The following PGAP1 variants were observed in gnomAD, a reference collection of about 807,000 sequenced individuals.
PGAP1 encodes GPI inositol-deacylase.
PGAP1 carries 76 observed loss-of-function variants against 127.0 expected under a neutral mutation model. The ratio of observed to expected loss-of-function variants is 0.60; its 90% confidence interval spans 0.50 to 0.72. The LOEUF is 0.72. Among genes scored for constraint, PGAP1 ranks in the 30% least tolerant of loss-of-function variants. PGAP1 has a pLI of 0.00. For synonymous variants in PGAP1, 362 were observed against 366.5 expected (o/e 0.99, Z 0.14); for missense variants, 982 against 1,071.3 (o/e 0.92, Z 1.16).
intron 4 of PGAP1, among the ~76,000 whole-genome samples, chr2:196,904,005 C>G (rs1015439492): frequency 2.0e-5 from 3 of 152,222 alleles, no homozygotes; most frequent in African/African-American, 7.2e-5. Context: ...CTCTTAACAT[C>G]TGGAGAGCCT....
Position 196,842,842 on chromosome 2 carries a change from A to G in PGAP1, c.2526-17T>C, listed in dbSNP as rs1179962628. 8.2e-7 allele frequency: 1 copy of G among 1,224,600 alleles called. No homozygotes were observed. The highest frequency in any genetic ancestry group is 1.2e-6 in the Non-Finnish European group (1 of 866,494). 75.9% of individuals were successfully genotyped at this position (1,224,600 alleles called of 1,614,324 possible). A position where few individuals can be genotyped will look rare whatever the true frequency, so the allele number is the denominator to read the frequency against. Reference sequence around the variant, plus strand: ...AAATAATACCTATAATATTAAAAAAAGAAACCCACAAATCAACAATGACCT... The same window carrying G: ...AAATAATACCTATAATATTAAAAAAGGAAACCCACAAATCAACAATGACCT... On this transcript the variant is annotated splice_polypyrimidine_tract_variant and intron_variant, in intron 25 of 26. Coordinates refer to ENST00000354764, the MANE Select transcript of PGAP1 (RefSeq NM_024989.4).
At chr2:196,921,131 G>C (rs1703180397) in intron 1 of PGAP1, among the ~76,000 whole-genome samples, 1 of 151,102 alleles carries the variant, frequency 6.6e-6, no homozygotes, top group Non-Finnish European at 1.5e-5. Context: ...TTTAACTATG[G>C]AGTGAATTTC....
At chr2:196,841,596 C>A (rs1026645416) in intron 26 of PGAP1, among the ~76,000 whole-genome samples, 4 of 152,204 alleles carry the variant, frequency 2.6e-5, no homozygotes, top group Non-Finnish European at 4.4e-5. Context: ...CGGCTCACTG[C>A]AAGCTCCGCC....
At chr2:196,852,456 C>T (rs1700750329) in intron 20 of PGAP1, among the ~76,000 whole-genome samples, 1 of 151,346 alleles carries the variant, frequency 6.6e-6, no homozygotes, top group Non-Finnish European at 1.5e-5. Context: ...TTTAAGGTTA[C>T]TAAGAGTTAA....
chr2:196,862,809 T>C (rs1359231345), intron 20 of PGAP1, among the ~76,000 whole-genome samples: 2 of 152,146 alleles, frequency 1.3e-5, no homozygotes, highest in Admixed American at 6.5e-5. Context: ...TCCCAGCTAC[T>C]TGGGAGGCTG....
intron 21 of PGAP1, 95 bp from the exon 22 acceptor site, chr2:196,847,295 A>G: frequency 1.2e-6 from 1 of 864,728 alleles, no homozygotes; most frequent in Non-Finnish European, 1.8e-6. Flanking sequence ...AGAGTCTCTA[A>G]AGTTCCATGA....
rs932953557 is a variant in PGAP1 at position 196,834,433 on chromosome 2, C to T, written c.*6801G>A. 2 of 152,332 alleles carry T rather than the reference C, an allele frequency of 1.3e-5. No homozygotes were observed. Among genetic ancestry groups the T allele is most frequent in the Admixed American group, 6.6e-5 (1 of 15,260 alleles). 9.4% of individuals were successfully genotyped at this position (152,332 alleles called of 1,614,324 possible). A position where few individuals can be genotyped will look rare whatever the true frequency, so the allele number is the denominator to read the frequency against. On this transcript the variant is annotated 3_prime_UTR_variant, in exon 27 of 27. Transcript: ENST00000354764. ...AATAAAATGTACAGTTATAAAATTG[C>T]AGGGCACTCTTTATCATTTCAAGGC...
At chr2:196,866,954 A>G (rs1701263453) in intron 19 of PGAP1, among the ~76,000 whole-genome samples, 1 of 152,236 alleles carries the variant, frequency 6.6e-6, no homozygotes, top group Admixed American at 6.5e-5. Flanking sequence ...CACACCAGTT[A>G]GAATGGCGAT....
rs1403621275 is a variant in PGAP1 at position 196,842,770 on chromosome 2, G to C, written c.2581C>G (p.Pro861Ala). 1 of 1,587,696 alleles carries C rather than the reference G, an allele frequency of 6.3e-7. No homozygotes were observed. The highest frequency in any genetic ancestry group is 8.6e-7 in the Non-Finnish European group (1 of 1,163,514). ...GTATTTCCAAGAATTGCCATAGTCG[G>C]AATAAGGATAAATGCCAAAGGTTTA... is the stretch of plus-strand genomic sequence containing the variant. ...PCKPLAFILI[P>A]TMAILGNTYT... Residue 861 changes from proline (P) to alanine (A), a missense_variant, in exon 26 of 27, where the codon CCG becomes GCG. Pro to Ala is a conservative substitution (Grantham distance 27, BLOSUM62 -1). Transcript: ENST00000354764.
chr2:196,861,527 TTC>T (rs1701064209), intron 20 of PGAP1, among the ~76,000 whole-genome samples: 2 of 152,168 alleles, frequency 1.3e-5, no homozygotes, highest in Admixed American at 6.5e-5. Flanking sequence ...GAACAGACAT[TTC>T]TCAACAGAAG....
intron 3 of PGAP1, among the ~76,000 whole-genome samples, chr2:196,914,778 A>C (rs1702946785): frequency 6.6e-6 from 1 of 152,030 alleles, no homozygotes; most frequent in African/African-American, 2.4e-5. Flanking sequence ...TGCTCTTGCT[A>C]AATCACCAAG....
chr2:196,922,173 G>T (rs1263182380), intron 1 of PGAP1: 1 of 1,297,386 alleles, frequency 7.7e-7, no homozygotes, highest in Admixed American at 2.3e-5. Flanking sequence ...CCTTAGTTCA[G>T]GTTCTTCTCA....
intron 5 of PGAP1, among the ~76,000 whole-genome samples, chr2:196,901,014 CA>C (rs1702471753): frequency 6.6e-6 from 1 of 152,136 alleles, no homozygotes; most frequent in African/African-American, 2.4e-5. Context: ...CCTACACACA[CA>C]CAATTAAAGA....
At chr2:196,849,468 GT>G (rs1340395914) in intron 20 of PGAP1, among the ~76,000 whole-genome samples, 2 of 150,724 alleles carry the variant, frequency 1.3e-5, no homozygotes, top group Non-Finnish European at 3.0e-5. Context: ...TAGAGACGGG[GT>G]TTCACCGTGT....
At position 196,835,514 on chromosome 2, in the gene PGAP1, C is replaced by T. The variant is rs1275751078; in HGVS notation, c.*5720G>A. ...TAAAATCAGAAAACATTCAAGCAATCACACAAAATAGAACACACTAGGCTA... is the reference window on the plus strand; with the variant it reads ...TAAAATCAGAAAACATTCAAGCAATTACACAAAATAGAACACACTAGGCTA... On this transcript the variant is annotated 3_prime_UTR_variant, in exon 27 of 27. Transcript: ENST00000354764. 1 of 152,036 alleles carries T rather than the reference C, an allele frequency of 6.6e-6. No individual in the cohort carries two copies. Among genetic ancestry groups the T allele is most frequent in the East Asian group, 1.9e-4 (1 of 5,200 alleles). The allele number at this position is 152,036 out of a possible 1,614,324, so 9.4% of individuals were successfully genotyped here.
intron 4 of PGAP1, 87 bp from the exon 5 acceptor site, chr2:196,902,829 C>G: frequency 2.0e-6 from 2 of 996,356 alleles, no homozygotes; most frequent in Middle Eastern, 2.2e-4. Flanking sequence ...TAATATGTAA[C>G]TGAATTTTTG....
At chr2:196,891,715 T>A (rs1702105726) in intron 9 of PGAP1, among the ~76,000 whole-genome samples, 1 of 152,080 alleles carries the variant, frequency 6.6e-6, no homozygotes, top group African/African-American at 2.4e-5. Flanking sequence ...TGTAAGTATA[T>A]AGAATTAACT....
rs1335351177 is a variant in PGAP1, at chr2:196,892,375, C to G, written c.1060G>C (p.Val354Leu). The part of the protein sequence containing the change: ...TGTSMWVLVK[V>L]SKWTYVAYNE... ...TAAGCTACATAGGTCCATTTGGACA[C>G]TTTTACTAGAACCCACATAGATGTC... The change falls in exon 9 of 27, where the codon GTG (valine) becomes CTG (leucine). Residue 354 changes from valine to leucine, a missense_variant. By Grantham distance (32) the Val-to-Leu change is conservative. Transcript: ENST00000354764. The G allele has an allele frequency of 6.7e-7, 1 of 1,498,852 alleles. No homozygotes were observed. The highest frequency in any genetic ancestry group is 1.4e-5 in the African/African-American group (1 of 71,026). The allele number at this position is 1,498,852 out of a possible 1,614,324, so 92.8% of individuals were successfully genotyped here.
chr2:196,880,738 AT>A (rs1701703758), intron 12 of PGAP1, among the ~76,000 whole-genome samples: 2 of 152,216 alleles, frequency 1.3e-5, no homozygotes, highest in African/African-American at 4.8e-5. Context: ...CAAATAAGTA[AT>A]TATTTATTTC....
Sources: gnomAD v4.1 joint callset for allele counts (sites outside exome capture counted in the v4.1 genomes callset) on GRCh38, gnomAD v4.1.1 for gene constraint, MANE v1.5 for transcripts, NCBI Gene and HGNC (gene_info 2026-07-23, HGNC 2026-07-21) for gene names.